Variants in COBL observed in about 807,000 individuals in gnomAD.
The protein encoded by COBL is cordon-bleu WH2 repeat protein, also known as protein cordon-bleu.
In COBL, 51 loss-of-function variants were observed where a neutral mutation model predicts 98.8. The observed-to-expected ratio is 0.52, with a 90% confidence interval of 0.41 to 0.65. COBL has a LOEUF of 0.65. Among genes scored for constraint, COBL ranks in the 30% least tolerant of loss-of-function variants. COBL has a pLI of 0.00. For missense variants in COBL, 1,617 were observed against 1,617.5 expected (o/e 1.00, Z 0.01); for synonymous variants, 634 against 651.7 (o/e 0.97, Z 0.41).
In COBL at chr7:51,016,357, T is replaced by C. The variant is rs1053205369; in HGVS notation, c.*1194A>G. On this transcript the variant is annotated 3_prime_UTR_variant, in exon 13 of 13. Coordinates refer to ENST00000265136, the MANE Select transcript of COBL (RefSeq NM_015198.5). ...GCTTCCATTCTACCTGAGGCCTAGATCTGAGATCGCTGTGAAACATTAAAG... is the reference window on the plus strand; with the variant it reads ...GCTTCCATTCTACCTGAGGCCTAGACCTGAGATCGCTGTGAAACATTAAAG... The C allele has an allele frequency of 2.0e-5, 3 of 152,266 alleles. No individual in the cohort carries two copies. Among genetic ancestry groups the C allele is most frequent in the African/African-American group, 7.2e-5 (3 of 41,472 alleles). 9.4% of individuals were successfully genotyped at this position (152,266 alleles called of 1,614,324 possible).
intron 5 of COBL, among the ~76,000 whole-genome samples, chr7:51,151,950 A>T (rs1313546266): frequency 6.6e-6 from 1 of 152,224 alleles, no homozygotes; most frequent in East Asian, 1.9e-4. Flanking sequence ...AACTCAGTGT[A>T]TTAGCAAAAC....
chr7:51,146,360 G>A (rs1270072664), intron 5 of COBL, among the ~76,000 whole-genome samples: 1 of 152,162 alleles, frequency 6.6e-6, no homozygotes, highest in Non-Finnish European at 1.5e-5. Context: ...ATAACGGCTG[G>A]TCAAGTGCAC....
At chr7:51,284,949 CTTT>C (rs750844781) in intron 1 of COBL, among the ~76,000 whole-genome samples, 2 of 142,792 alleles carry the variant, frequency 1.4e-5, no homozygotes. Context: ...TTCCATCCAA[CTTT>C]TTTTTTTTTT....
intron 5 of COBL, among the ~76,000 whole-genome samples, chr7:51,162,823 G>A (rs1289675937): frequency 1.3e-5 from 2 of 152,234 alleles, no homozygotes; most frequent in African/African-American, 4.8e-5. Flanking sequence ...CCTCCGCCAG[G>A]CTAAGCCTCT....
At chr7:51,268,085 C>T (rs1036161447) in intron 1 of COBL, among the ~76,000 whole-genome samples, 4 of 152,100 alleles carry the variant, frequency 2.6e-5, no homozygotes, top group Non-Finnish European at 5.9e-5. Context: ...TCCCTCCTGC[C>T]CTGCAGGCGC....
intron 5 of COBL, chr7:51,172,554 A>C: frequency 7.8e-7 from 1 of 1,276,256 alleles, no homozygotes; most frequent in East Asian, 5.6e-5. Flanking sequence ...ACCAGGCCAC[A>C]TCATCTCCAG....
At chr7:51,267,465 CATTT>C (rs1798323158) in intron 1 of COBL, among the ~76,000 whole-genome samples, 1 of 151,442 alleles carries the variant, frequency 6.6e-6, no homozygotes, top group Non-Finnish European at 1.5e-5. Context: ...TTCATACATT[CATTT>C]ATTTGTATTT....
At chr7:51,265,573 G>C (rs1798122352) in intron 1 of COBL, among the ~76,000 whole-genome samples, 2 of 152,200 alleles carry the variant, frequency 1.3e-5, no homozygotes, top group South Asian at 2.1e-4. Flanking sequence ...GTGAAAAGGA[G>C]AGCATGCCCC....
intron 2 of COBL, among the ~76,000 whole-genome samples, chr7:51,209,022 G>A (rs1468446490): frequency 3.2e-5 from 4 of 123,698 alleles, no homozygotes; most frequent in Admixed American, 1.9e-4. Flanking sequence ...CCCCCTCTGT[G>A]AGAAACACCC....
chr7:51,133,102 AG>A (rs1798903240), intron 6 of COBL, among the ~76,000 whole-genome samples: 1 of 151,094 alleles, frequency 6.6e-6, no homozygotes, highest in Admixed American at 6.6e-5. Flanking sequence ...CCTAGGGTCC[AG>A]GACAAAGGGA....
At chr7:51,045,192 G>C (rs1444657017) in intron 7 of COBL, among the ~76,000 whole-genome samples, 1 of 152,060 alleles carries the variant, frequency 6.6e-6, no homozygotes, top group East Asian at 1.9e-4. Flanking sequence ...AAACCAGCAC[G>C]TTTTTTCTGT....
chr7:51,129,303 C>A (rs151054550), intron 6 of COBL, among the ~76,000 whole-genome samples: 1 of 151,590 alleles, frequency 6.6e-6, no homozygotes, highest in Non-Finnish European at 1.5e-5. Context: ...TCTTGCTTTG[C>A]GCTCACATGG....
intron 7 of COBL, among the ~76,000 whole-genome samples, chr7:51,055,777 C>A (rs185412813): frequency 7.7e-4 from 117 of 152,196 alleles, no homozygotes; most frequent in Non-Finnish European, 2.8e-4. Flanking sequence ...TGAGAACCAC[C>A]TACATTTAAG....
At chr7:51,287,566 T>C (rs534537644) in intron 1 of COBL, among the ~76,000 whole-genome samples, 2 of 152,296 alleles carry the variant, frequency 1.3e-5, no homozygotes, top group South Asian at 2.1e-4. Context: ...GGGAAACCAT[T>C]TGGCAATTTC....
chr7:51,097,314 C>G (rs988438431), intron 6 of COBL, among the ~76,000 whole-genome samples: 6 of 152,112 alleles, frequency 3.9e-5, no homozygotes, highest in African/African-American at 1.2e-4. Context: ...TTAACAAAGT[C>G]CACACATAAA....
chr7:51,059,558 AG>A (rs932217692), intron 7 of COBL, among the ~76,000 whole-genome samples: 5 of 126,084 alleles, frequency 4.0e-5, no homozygotes, highest in Admixed American at 1.0e-4. Context: ...AACAGGGAGA[AG>A]GGGGGGCCTG....
chr7:51,083,007 C>G (rs970368609), intron 7 of COBL: 2 of 1,511,252 alleles, frequency 1.3e-6, no homozygotes, highest in African/African-American at 2.8e-5. Context: ...CATCGCAGTG[C>G]TCAGAGAGAT....
chr7:51,151,922 C>T (rs761032155), intron 5 of COBL, among the ~76,000 whole-genome samples: 18 of 152,226 alleles, frequency 1.2e-4, no homozygotes, highest in Non-Finnish European at 1.5e-4. Context: ...CACCCTCAGC[C>T]GCCTGTGGCC....
chr7:51,069,960 T>TG (rs1163374697), intron 7 of COBL, among the ~76,000 whole-genome samples: 1 of 152,214 alleles, frequency 6.6e-6, no homozygotes, highest in South Asian at 2.1e-4. Flanking sequence ...TAATCTCTTT[T>TG]GGGGGGGTTT....
Sources: allele counts gnomAD v4.1 joint callset (sites outside exome capture counted in the v4.1 genomes callset), GRCh38; gene constraint gnomAD v4.1.1; transcripts MANE v1.5; gene names NCBI Gene and HGNC (gene_info 2026-07-23, HGNC 2026-07-21).